Variants in PTP4A3 observed in about 807,000 individuals in gnomAD.
PTP4A3 encodes protein tyrosine phosphatase 4A3, also known as protein tyrosine phosphatase type IVA 3.
PTP4A3 carries 9 observed loss-of-function variants against 15.2 expected under a neutral mutation model. The observed-to-expected ratio is 0.59, with a 90% CI of 0.36 to 1.03. The LOEUF (loss-of-function observed/expected upper bound fraction) is 1.03. Ranked by LOEUF, PTP4A3 falls within the 50% of genes least tolerant of loss-of-function variation. The pLI is 0.02. For missense variants in PTP4A3, 234 were observed against 252.1 expected, an observed-to-expected ratio of 0.93 and a Z score of 0.49; for synonymous variants, 95 against 102.0, an observed-to-expected ratio of 0.93 and a Z score of 0.41.
chr8:141,413,914 A>G (rs1832941019), intron 1 of PTP4A3, among the ~76,000 whole-genome samples: 1 of 152,172 alleles, frequency 6.6e-6, no homozygotes, highest in Non-Finnish European at 1.5e-5. Context: ...TGGTGTAAAG[A>G]TGCTGTGTGG....
chr8:141,424,382 G>C lies in PTP4A3; in HGVS notation c.106-666G>C, dbSNP rs934729524. Among the ~76,000 whole-genome samples the C allele has an allele frequency of 9.2e-5, 14 of 152,158 alleles. 1 individual carries two copies. The South Asian group carries it at 2.7e-3, about 29-fold the overall frequency. On this transcript the variant is annotated intron_variant, in intron 2 of 5. Coordinates refer to ENST00000521578, the MANE Select transcript of PTP4A3 (RefSeq NM_032611.3). Reference sequence around the variant, plus strand: ...GGTCGTGTGGGGCTTCCCTGCTGGCGTACAGGGCCCAGCTTCCTCCTGGCT... The same window carrying C: ...GGTCGTGTGGGGCTTCCCTGCTGGCCTACAGGGCCCAGCTTCCTCCTGGCT...
rs1186570265 is a variant in PTP4A3, at chr8:141,422,354, A to G, written c.105+9A>G. 1 of 1,613,198 alleles carries G rather than the reference A, an allele frequency of 6.2e-7. No homozygotes were observed. Among genetic ancestry groups the G allele is most frequent in the South Asian group, 1.1e-5 (1 of 91,080 alleles). The stretch of plus-strand genomic sequence containing the variant: ...TCAGCACCTTCATTGAGGTGAGTGG[A>G]GACGGAGGTGTGGCAGGCAGGTGGC... On this transcript the variant is annotated intron_variant, in intron 2 of 5. Coordinates refer to ENST00000521578, the MANE Select transcript of PTP4A3 (RefSeq NM_032611.3).
intron 1 of PTP4A3, among the ~76,000 whole-genome samples, chr8:141,396,982 TG>T (rs1393997308): frequency 1.3e-5 from 2 of 152,064 alleles, no homozygotes; most frequent in Non-Finnish European, 2.9e-5. Flanking sequence ...CCGGGCTGGC[TG>T]GGGGCCTGGA....
chr8:141,408,439 C>G lies in PTP4A3; in HGVS notation c.-853-12949C>G, dbSNP rs993701549. ...TTTGGGACCAGCCTGGCCAACATGG[C>G]GAAACCCTGTCTCTACTAAAAATAC... On this transcript the variant is annotated intron_variant, in intron 1 of 5. Transcript: ENST00000521578. Among the ~76,000 whole-genome samples, 40 of 152,178 alleles carry G rather than the reference C, an allele frequency of 2.6e-4. 1 individual carries two copies. The highest frequency in any genetic ancestry group is 2.9e-5 in the Non-Finnish European group (2 of 68,008).
rs182903239 is a variant in PTP4A3, at chr8:141,422,922, C to T, written c.105+577C>T. 5.8e-4 allele frequency among the ~76,000 whole-genome samples: 89 copies of T among 152,332 alleles called. No homozygotes were observed. The Middle Eastern group carries it at 0.014, about 23-fold the overall frequency. On this transcript the variant is annotated intron_variant, in intron 2 of 5. Transcript: ENST00000521578. ...GACGAGATGCGTTTACAGAAGCTTT[C>T]TTGGGAGTGGAGTCTGGAGCGACCT...
intron 4 of PTP4A3, 54 bp downstream of exon 4, chr8:141,427,123 G>C (rs1833612839): frequency 6.4e-7 from 1 of 1,573,232 alleles, no homozygotes; most frequent in Non-Finnish European, 8.6e-7. Context: ...GGCATCTCGT[G>C]GTCTGACAGC....
At chr8:141,417,609 G>C (rs539631705) in intron 1 of PTP4A3, among the ~76,000 whole-genome samples, 26 of 152,228 alleles carry the variant, frequency 1.7e-4, no homozygotes, top group Non-Finnish European at 3.2e-4. Context: ...GAGGGGGCCA[G>C]GGGGAGCTCC....
chr8:141,428,070 C>T (rs571256099), intron 5 of PTP4A3, among the ~76,000 whole-genome samples: 58 of 152,228 alleles, frequency 3.8e-4, no homozygotes, highest in African/African-American at 1.3e-3. Context: ...CCGTCCTGCC[C>T]GCCCTCCACA....
rs569025693 is a variant in PTP4A3, at chr8:141,426,925, G to T, written c.199-14G>T. On this transcript the variant is annotated splice_polypyrimidine_tract_variant and intron_variant, in intron 3 of 5. Coordinates refer to ENST00000521578, the MANE Select transcript of PTP4A3 (RefSeq NM_032611.3). ...CCCTCAGCCGGGGGTCCTCATGTCT[G>T]CTTCCCTCCGTAGGACTGGCCGTTT... 3.7e-6 allele frequency: 6 copies of T among 1,609,952 alleles called. No individual in the cohort carries two copies. The South Asian group carries it at 4.4e-5, about 12-fold the overall frequency.
chr8:141,427,464 G>A (rs76892802), intron 4 of PTP4A3, among the ~76,000 whole-genome samples: 1,632 of 152,296 alleles, frequency 0.011, 36 homozygotes, highest in African/African-American at 0.036. Flanking sequence ...GGAGACCCAG[G>A]CGAGCAGAGT....
At chr8:141,428,173 A>C (rs1322106409) in intron 5 of PTP4A3, among the ~76,000 whole-genome samples, 1 of 152,060 alleles carries the variant, frequency 6.6e-6, no homozygotes. Flanking sequence ...CTAGAACCTG[A>C]AACCCCACAC....
chr8:141,396,515 G>A (rs747007168), intron 1 of PTP4A3, among the ~76,000 whole-genome samples: 4 of 152,176 alleles, frequency 2.6e-5, no homozygotes, highest in African/African-American at 7.2e-5. Flanking sequence ...CTCTCTCACC[G>A]AGCCCACAGC....
intron 5 of PTP4A3, among the ~76,000 whole-genome samples, chr8:141,430,667 C>G (rs909201034): frequency 6.6e-6 from 1 of 152,120 alleles, no homozygotes; most frequent in South Asian, 2.1e-4. Flanking sequence ...GCCTGGGGGC[C>G]GTAGGGAGCC....
Position 141,430,984 on chromosome 8 carries a change from C to T in PTP4A3, c.462C>T (p.Pro154=). 6.2e-7 allele frequency: 1 copy of T among 1,613,380 alleles called. No homozygotes were observed. Among genetic ancestry groups the T allele is most frequent in the Non-Finnish European group, 8.5e-7 (1 of 1,179,974 alleles). Residue 154 remains proline, a synonymous_variant, in exon 6 of 6, where the codon CCC becomes CCT. Coordinates refer to ENST00000521578, the MANE Select transcript of PTP4A3 (RefSeq NM_032611.3). ...TCACCTACCTGGAGAAATACCGGCC[C>T]AAACAGAGGCTGCGGTTCAAAGACC... ...KQLTYLEKYR[P]KQRLRFKDPH...
At chr8:141,394,716 CCTT>C (rs1300175243) in intron 1 of PTP4A3, among the ~76,000 whole-genome samples, 1 of 152,256 alleles carries the variant, frequency 6.6e-6, no homozygotes, top group Non-Finnish European at 1.5e-5. Flanking sequence ...TCCCATCCCT[CCTT>C]CTGACCTGGA....
At chr8:141,417,912 G>C (rs944643642) in intron 1 of PTP4A3, among the ~76,000 whole-genome samples, 1 of 151,874 alleles carries the variant, frequency 6.6e-6, no homozygotes, top group Admixed American at 6.6e-5. Flanking sequence ...TGGCGGCAGC[G>C]CCTGGAGCCG....
chr8:141,398,008 A>T (rs1435706028), intron 1 of PTP4A3, among the ~76,000 whole-genome samples: 1 of 152,142 alleles, frequency 6.6e-6, no homozygotes, highest in East Asian at 1.9e-4. Flanking sequence ...GCAGGGAGGG[A>T]GGCGTCTGCC....
At chr8:141,429,972 C>T (rs1243384236) in intron 5 of PTP4A3, among the ~76,000 whole-genome samples, 1 of 46,738 alleles carries the variant, frequency 2.1e-5, no homozygotes, top group Admixed American at 2.0e-4. Context: ...GCACAGCCCA[C>T]GTCCCCGCTG....
At chr8:141,397,326 G>A (rs1231856531) in intron 1 of PTP4A3, among the ~76,000 whole-genome samples, 1 of 152,222 alleles carries the variant, frequency 6.6e-6, no homozygotes, top group Admixed American at 6.5e-5. Flanking sequence ...CCAGGCAGTG[G>A]GGGGCTCTCT....
Sources: gnomAD v4.1 joint callset for allele counts (sites outside exome capture counted in the v4.1 genomes callset) on GRCh38, gnomAD v4.1.1 for gene constraint, MANE v1.5 for transcripts, NCBI Gene and HGNC (gene_info 2026-07-23, HGNC 2026-07-21) for gene names.